Variants in CCDC197 observed in about 807,000 individuals in gnomAD.
The protein encoded by CCDC197 is uncharacterized protein CCDC197.
CCDC197 carries 24 observed loss-of-function variants against 13.4 expected under a neutral mutation model. The observed-to-expected ratio is 1.80, with a 90% CI of 1.30 to 2.53. The LOEUF (loss-of-function observed/expected upper bound fraction) is 2.53, where lower values mean the gene tolerates loss of function less well. CCDC197 is among the 30% of genes most tolerant of loss of function. CCDC197 has a pLI of 0.00. For synonymous variants in CCDC197, 99 were observed against 55.5 expected (o/e 1.78, Z -3.48); for missense variants, 255 against 148.8 (o/e 1.71, Z -3.71).
chr14:93,991,336 G>A (rs1329047071), intron 1 of CCDC197, among the ~76,000 whole-genome samples: 1 of 152,170 alleles, frequency 6.6e-6, no homozygotes, highest in East Asian at 1.9e-4. Flanking sequence ...ACTGTGCTGA[G>A]TGCCTTACCT....
Position 94,008,846 on chromosome 14 carries a change from G to T in CCDC197, c.*34G>T, listed in dbSNP as rs983731576. 1 of 682,792 alleles carries T rather than the reference G, an allele frequency of 1.5e-6. No homozygotes were observed. Among genetic ancestry groups the T allele is most frequent in the East Asian group, 2.7e-5 (1 of 36,842 alleles). 42.3% of individuals were successfully genotyped at this position (682,792 alleles called of 1,614,324 possible). On this transcript the variant is annotated 3_prime_UTR_variant, in exon 7 of 7. Coordinates refer to ENST00000636493, the MANE Select transcript of CCDC197 (RefSeq NM_001351596.2). ...CGCCTTGCAGGCCCCATGGCATCAC[G>T]ACCTCTCCTTACCTGCCTGCCTCCT... is the stretch of plus-strand genomic sequence containing the variant.
At chr14:93,990,823 G>A (rs1890197449) in intron 1 of CCDC197, among the ~76,000 whole-genome samples, 1 of 152,240 alleles carries the variant, frequency 6.6e-6, no homozygotes, top group African/African-American at 2.4e-5. Flanking sequence ...AGTGACAATA[G>A]TGATGTCTTT....
At chr14:93,999,996 T>A (rs1180261580) in intron 3 of CCDC197, among the ~76,000 whole-genome samples, 2 of 152,242 alleles carry the variant, frequency 1.3e-5, no homozygotes, top group Non-Finnish European at 2.9e-5. Context: ...CACATTTAGC[T>A]AGTACCTGGT....
upstream of CCDC197, among the ~76,000 whole-genome samples, chr14:93,995,532 T>C (rs1258726046): frequency 6.6e-6 from 1 of 152,114 alleles, no homozygotes; most frequent in Non-Finnish European, 1.5e-5. Flanking sequence ...CCCGATTCCT[T>C]GGGAACAGCG....
In CCDC197 at chr14:93,997,540, A is replaced by T. The variant is rs1374433340; in HGVS notation, c.-165A>T. The T allele has an allele frequency of 6.6e-6, 1 of 152,012 alleles. No individual in the cohort carries two copies. The highest frequency in any genetic ancestry group is 1.5e-5 in the Non-Finnish European group (1 of 68,320). The allele number at this position is 152,012 out of a possible 1,614,324, so 9.4% of individuals were successfully genotyped here. A position where few individuals can be genotyped will look rare whatever the true frequency, so the allele number is the denominator to read the frequency against. On this transcript the variant is annotated 5_prime_UTR_variant, in exon 1 of 7. It adds an upstream start codon to the 5' untranslated region. Transcript: ENST00000636493. Reference sequence around the variant, plus strand: ...CCCAGCTTGACCATGAGCTTCTTCAAGGCATCTCTTCTCAGTCTCCACTGT... The same window carrying T: ...CCCAGCTTGACCATGAGCTTCTTCATGGCATCTCTTCTCAGTCTCCACTGT...
intron 1 of CCDC197, among the ~76,000 whole-genome samples, chr14:93,991,904 G>A (rs1890219542): frequency 6.6e-6 from 1 of 152,250 alleles, no homozygotes; most frequent in Admixed American, 6.5e-5. Context: ...GGAGGAGCCA[G>A]GGCATCTGGA....
chr14:93,999,685 G>T lies in CCDC197; in HGVS notation c.187+20G>T, dbSNP rs989649763. 17 of 780,406 alleles carry T rather than the reference G, an allele frequency of 2.2e-5. No individual in the cohort carries two copies. The highest frequency in any genetic ancestry group is 3.6e-5 in the Non-Finnish European group (15 of 417,974). 48.3% of individuals were successfully genotyped at this position (780,406 alleles called of 1,614,324 possible). On this transcript the variant is annotated intron_variant, in intron 3 of 6. Coordinates refer to ENST00000636493, the MANE Select transcript of CCDC197 (RefSeq NM_001351596.2). ...CCGAGGGTATGTACACAGCTTCCTC[G>T]GAAAGCCCTTTCTCTCCACAGCCAC...
chr14:94,006,450 G>A (rs1458742413), intron 6 of CCDC197, among the ~76,000 whole-genome samples: 1 of 151,904 alleles, frequency 6.6e-6, no homozygotes, highest in Non-Finnish European at 1.5e-5. Context: ...CTGCCTCCCG[G>A]GTTCAAGCAA....
At chr14:93,990,496 G>C (rs1015174036) in intron 1 of CCDC197, among the ~76,000 whole-genome samples, 1 of 152,216 alleles carries the variant, frequency 6.6e-6, no homozygotes, top group Non-Finnish European at 1.5e-5. Context: ...GCCTGGAGTG[G>C]ACTGAGCCAC....
rs578240799 is a variant in CCDC197 at position 93,997,486 on chromosome 14, G to A, written c.-219G>A. Reference sequence around the variant, plus strand: ...GCTCAGGAACAGTTTGCAAGACCGTGTTGAAGCTACTTGTAACTAGACCAT... The same window carrying A: ...GCTCAGGAACAGTTTGCAAGACCGTATTGAAGCTACTTGTAACTAGACCAT... On this transcript the variant is annotated 5_prime_UTR_variant, in exon 1 of 7. Coordinates refer to ENST00000636493, the MANE Select transcript of CCDC197 (RefSeq NM_001351596.2). The A allele has an allele frequency of 2.1e-4, 32 of 152,814 alleles. No homozygotes were observed. Among genetic ancestry groups the A allele is most frequent in the African/African-American group, 7.5e-4 (31 of 41,582 alleles). 9.5% of individuals were successfully genotyped at this position (152,814 alleles called of 1,614,324 possible). A position where few individuals can be genotyped will look rare whatever the true frequency, so the allele number is the denominator to read the frequency against.
intron 5 of CCDC197, among the ~76,000 whole-genome samples, chr14:94,004,556 C>T (rs1200552217): frequency 6.6e-6 from 1 of 152,188 alleles, no homozygotes; most frequent in African/African-American, 2.4e-5. Context: ...GGCCCCACTC[C>T]ATGCCCCTTC....
Position 94,003,196 on chromosome 14 carries a change from C to T in CCDC197, c.367-27C>T. On this transcript the variant is annotated intron_variant, in intron 4 of 6. Transcript: ENST00000636493. This position sits in a 1 kb window ranked among gnomAD's most constrained non-coding sequence, Gnocchi z 5.0. ...ATATGCCCTGGAGGGTTTGTTGTAC[C>T]AAGATGGCCCATTCCCTCTGCCCCA... 1 of 775,952 alleles carries T rather than the reference C, an allele frequency of 1.3e-6. No individual in the cohort carries two copies. The highest frequency in any genetic ancestry group is 2.4e-6 in the Non-Finnish European group (1 of 415,952). 48.1% of individuals were successfully genotyped at this position (775,952 alleles called of 1,614,324 possible).
intron 1 of CCDC197, among the ~76,000 whole-genome samples, chr14:93,989,807 C>G (rs1015291717): frequency 6.6e-6 from 1 of 152,124 alleles, no homozygotes; most frequent in African/African-American, 2.4e-5. Flanking sequence ...TCCCATTAGG[C>G]TGAAGTCAAG....
At chr14:93,995,610 C>T (rs917614065), upstream of CCDC197, among the ~76,000 whole-genome samples, 2 of 152,136 alleles carry the variant, frequency 1.3e-5, no homozygotes, top group Non-Finnish European at 2.9e-5. Flanking sequence ...TCAGTCAAGC[C>T]AAGGGGTGGG....
upstream of CCDC197, among the ~76,000 whole-genome samples, chr14:93,996,624 C>T (rs529164540): frequency 1.5e-4 from 23 of 152,324 alleles, no homozygotes; most frequent in East Asian, 4.1e-3. Flanking sequence ...CCACCCACAA[C>T]GTTCCTCCCA....
intron 1 of CCDC197, among the ~76,000 whole-genome samples, chr14:93,987,927 C>T (rs1459558391): frequency 1.0e-5 from 1 of 99,016 alleles, no homozygotes; most frequent in Non-Finnish European, 2.0e-5. Flanking sequence ...GGGAGGACAG[C>T]GCGGGAGGGA....
rs1473477390 is a variant in CCDC197, at chr14:94,003,315, G to T, written c.459G>T (p.Lys153Asn). 1 of 779,934 alleles carries T rather than the reference G, an allele frequency of 1.3e-6. No homozygotes were observed. The highest frequency in any genetic ancestry group is 1.7e-5 in the Admixed American group (1 of 58,978). The allele number at this position is 779,934 out of a possible 1,614,324, so 48.3% of individuals were successfully genotyped here. Residue 153 changes from lysine to asparagine, a missense_variant, in exon 5 of 7, where the codon AAG (lysine) becomes AAT (asparagine). Physicochemically the swap from Lys to Asn is moderately conservative, Grantham distance 94 (BLOSUM62 0). Coordinates refer to ENST00000636493, the MANE Select transcript of CCDC197 (RefSeq NM_001351596.2). The surrounding 1 kb of genome is among the most constrained non-coding windows in gnomAD (Gnocchi z 5.0). ...TGAAGCACAGCATCACTTACCAGAA[G>T]GACATTGACTTTGACACACACACCA... ...WQLKHSITYQKDIDFDTHTSS... is the reference protein window; with the variant it reads ...WQLKHSITYQNDIDFDTHTSS...
upstream of CCDC197, among the ~76,000 whole-genome samples, chr14:93,993,386 ACT>A (rs1310402373): frequency 6.6e-6 from 1 of 152,200 alleles, no homozygotes; most frequent in East Asian, 1.9e-4. Context: ...ACATGGGTTA[ACT>A]CTACAAAAAC....
In CCDC197 at chr14:94,003,292, A is replaced by AAGCAC. The variant is rs1487897104; in HGVS notation, c.441_445dup (p.Ile149ThrfsTer29). ...CAAGCAGGAGCAGTGGTGGCAGCTG[A>AAGCAC]AGCACAGCATCACTTACCAGAAGGA... On this transcript the variant is annotated frameshift_variant, in exon 5 of 7. Coordinates refer to ENST00000636493, the MANE Select transcript of CCDC197 (RefSeq NM_001351596.2). LOFTEE classifies it high-confidence loss of function. This position sits in a 1 kb window ranked among gnomAD's most constrained non-coding sequence, Gnocchi z 5.0. 2 of 780,920 alleles carry AAGCAC rather than the reference A, an allele frequency of 2.6e-6. No homozygotes were observed. Among genetic ancestry groups the AAGCAC allele is most frequent in the Non-Finnish European group, 2.4e-6 (1 of 418,078 alleles). 48.4% of individuals were successfully genotyped at this position (780,920 alleles called of 1,614,324 possible).
Sources: allele counts gnomAD v4.1 joint callset (sites outside exome capture counted in the v4.1 genomes callset), GRCh38; gene constraint gnomAD v4.1.1; non-coding constraint Gnocchi (gnomAD v3.1); transcripts MANE v1.5; gene names NCBI Gene and HGNC (gene_info 2026-07-23, HGNC 2026-07-21).